SSMEM1: variants seen among roughly 807,000 people sequenced by gnomAD.
SSMEM1 encodes serine rich single-pass membrane protein 1.
Under a neutral mutation model 9.9 loss-of-function variants are expected in SSMEM1, and 12 were observed. The ratio of observed to expected loss-of-function variants is 1.21; its 90% CI spans 0.78 to 1.96. SSMEM1 has a LOEUF of 1.96. Ranked by LOEUF, SSMEM1 falls within the 30% of genes most tolerant of loss-of-function variation. The pLI is 0.00. For synonymous variants in SSMEM1, 96 were observed against 98.9 expected, an observed-to-expected ratio of 0.97 and a Z score of 0.17; for missense variants, 259 against 292.2, an observed-to-expected ratio of 0.89 and a Z score of 0.83.
chr7:130,213,145 C>T (rs1176577056), intron 1 of SSMEM1, among the ~76,000 whole-genome samples: 1 of 152,012 alleles, frequency 6.6e-6, no homozygotes, highest in Non-Finnish European at 1.5e-5. Flanking sequence ...GTCAGGAGTT[C>T]AAGACCAGCC....
chr7:130,209,959 G>C (rs767473612), intron 1 of SSMEM1, among the ~76,000 whole-genome samples: 13 of 152,194 alleles, frequency 8.5e-5, no homozygotes, highest in Non-Finnish European at 1.9e-4. Context: ...GACCTCAAGA[G>C]AGCATGTGGT....
At chr7:130,209,844 CTGGCATTA>C (rs1798560476) in intron 1 of SSMEM1, among the ~76,000 whole-genome samples, 1 of 152,252 alleles carries the variant, frequency 6.6e-6, no homozygotes, top group Non-Finnish European at 1.5e-5. Flanking sequence ...TCCCAAAGTG[CTGGCATTA>C]CAGGCGTGAG....
chr7:130,215,596 C>T (rs146230179), intron 2 of SSMEM1, among the ~76,000 whole-genome samples: 15 of 152,312 alleles, frequency 9.8e-5, no homozygotes, highest in African/African-American at 3.4e-4. Flanking sequence ...AGGAAAGATC[C>T]TTCTTAGTTC....
rs144099660 is a variant in SSMEM1 at position 130,216,196 on chromosome 7, A to G, written c.461A>G (p.Glu154Gly). 177 of 1,614,076 alleles carry G rather than the reference A, an allele frequency of 1.1e-4. 1 individual carries two copies. Among genetic ancestry groups the G allele is most frequent in the Non-Finnish European group, 1.5e-4 (176 of 1,180,040 alleles). Residue 154 changes from glutamate (E) to glycine (G), a missense_variant, in exon 3 of 3, where the codon GAG becomes GGG. By Grantham distance (98) the Glu-to-Gly change is moderately conservative. Coordinates refer to ENST00000297819, the MANE Select transcript of SSMEM1 (RefSeq NM_145268.4). ...GATACTACGGAGTATGGCAGTGAAG[A>G]GTCTAACTCAGAAGCCTCCTCGTGG... ...DSDTTEYGSE[E>G]SNSEASSWKE...
chr7:130,205,592 G>A, upstream of SSMEM1: 1 of 650,452 alleles, frequency 1.5e-6, no homozygotes, highest in South Asian at 1.8e-5. Context: ...GCGGGAGAAA[G>A]CTAAGCAGCA....
Position 130,212,964 on chromosome 7 carries a change from A to ACTAC in SSMEM1, c.184-516_184-515insCTAC, listed in dbSNP as rs561729400. On this transcript the variant is annotated intron_variant, in intron 1 of 2. Transcript: ENST00000297819. Reference sequence around the variant, plus strand: ...AAGCATAGTCTTAATGGGAAGTGGAAGTAGGATCACTATAACAGGAACTCA... The same window carrying ACTAC: ...AAGCATAGTCTTAATGGGAAGTGGAACTACGTAGGATCACTATAACAGGAACTCA... 3.2e-4 allele frequency among the ~76,000 whole-genome samples: 49 copies of ACTAC among 152,286 alleles called. No homozygotes were observed. In the East Asian group the frequency reaches 9.3e-3, roughly 29 times the overall value.
At chr7:130,208,297 G>A (rs1447160951) in intron 1 of SSMEM1, among the ~76,000 whole-genome samples, 1 of 152,188 alleles carries the variant, frequency 6.6e-6, no homozygotes, top group Non-Finnish European at 1.5e-5. Flanking sequence ...CTTTCCCAGA[G>A]ATAACCACTG....
intron 1 of SSMEM1, among the ~76,000 whole-genome samples, chr7:130,212,655 G>A (rs1246395730): frequency 6.6e-6 from 1 of 151,758 alleles, no homozygotes; most frequent in South Asian, 2.1e-4. Flanking sequence ...AACCTGGGAG[G>A]CGGAGATTTC....
At chr7:130,213,408 G>A (rs1245482372) in intron 1 of SSMEM1, 72 bp from the exon 2 acceptor site, 1 of 1,222,650 alleles carries the variant, frequency 8.2e-7, no homozygotes, top group Admixed American at 1.9e-5. Context: ...CTCAGCAATA[G>A]TGTTTTATAA....
chr7:130,216,398 A>G lies in SSMEM1; in HGVS notation c.663A>G (p.Thr221=), dbSNP rs544390231. ...AHHSRQKPSV[T]PPMKRDSQEE... ...ATTCCCGACAGAAGCCTTCAGTAACACCGCCAATGAAAAGAGACAGTCAAG... is the reference window on the plus strand; with the variant it reads ...ATTCCCGACAGAAGCCTTCAGTAACGCCGCCAATGAAAAGAGACAGTCAAG... Residue 221 remains threonine (T), a synonymous_variant, in exon 3 of 3, where the codon ACA becomes ACG. Transcript: ENST00000297819. 6.2e-7 allele frequency: 1 copy of G among 1,614,086 alleles called. No individual in the cohort carries two copies.
At chr7:130,205,706 C>A (rs1405739788), upstream of SSMEM1, among the ~76,000 whole-genome samples, 1 of 152,188 alleles carries the variant, frequency 6.6e-6, no homozygotes, top group Non-Finnish European at 1.5e-5. Flanking sequence ...CATTTATGGA[C>A]TCACATGTGT....
At position 130,216,131 on chromosome 7, in the gene SSMEM1, G is replaced by A; in HGVS notation, c.396G>A (p.Gln132=). 1 of 1,614,196 alleles carries A rather than the reference G, an allele frequency of 6.2e-7. No homozygotes were observed. The highest frequency in any genetic ancestry group is 8.5e-7 in the Non-Finnish European group (1 of 1,180,038). ...AYPEQRRARR[Q]SQFNEVNQNQ... ...CTGAACAAAGACGAGCCAGGCGCCA[G>A]TCTCAGTTCAATGAGGTGAACCAGA... The change falls in exon 3 of 3, where the codon CAG becomes CAA. Residue 132 remains glutamine (Q), a synonymous_variant. Coordinates refer to ENST00000297819, the MANE Select transcript of SSMEM1 (RefSeq NM_145268.4).
intron 2 of SSMEM1, among the ~76,000 whole-genome samples, chr7:130,214,883 AAGCCCTGATG>A (rs1371620512): frequency 1.3e-5 from 2 of 152,238 alleles, no homozygotes; most frequent in Non-Finnish European, 2.9e-5. Flanking sequence ...GCCATACATC[AAGCCCTGATG>A]TTTAGTGTCT....
chr7:130,216,442 A>C lies in SSMEM1; in HGVS notation c.707A>C (p.Asp236Ala). 1 of 1,609,502 alleles carries C rather than the reference A, an allele frequency of 6.2e-7. No homozygotes were observed. The highest frequency in any genetic ancestry group is 8.5e-7 in the Non-Finnish European group (1 of 1,176,558). Residue 236 changes from aspartate (D) to alanine (A), a missense_variant, in exon 3 of 3, where the codon GAC (aspartate) becomes GCC (alanine). Asp to Ala is a moderately radical substitution (Grantham distance 126, BLOSUM62 -2). Coordinates refer to ENST00000297819, the MANE Select transcript of SSMEM1 (RefSeq NM_145268.4). ...RDSQEESSIS[D>A]INKKFSKF is the part of the protein sequence containing the mutation. The stretch of plus-strand genomic sequence containing the variant: ...AGTCAAGAGGAAAGTTCCATATCTG[A>C]CATTAACAAGAAATTTAGTAAATTT...
chr7:130,211,160 CTTT>C (rs59732545), intron 1 of SSMEM1, among the ~76,000 whole-genome samples: 4 of 133,976 alleles, frequency 3.0e-5, no homozygotes, highest in Admixed American at 7.9e-5. Context: ...AAAGTGGTAT[CTTT>C]TTTTTTTTTT....
intron 1 of SSMEM1, among the ~76,000 whole-genome samples, chr7:130,208,753 G>A (rs1584710652): frequency 1.3e-5 from 2 of 152,180 alleles, no homozygotes; most frequent in African/African-American, 4.8e-5. Context: ...AGAATAAGCA[G>A]AACTAGACTA....
intron 2 of SSMEM1, among the ~76,000 whole-genome samples, 172 bp downstream of exon 2, chr7:130,213,706 A>AAG (rs1554382336): frequency 6.7e-6 from 1 of 149,434 alleles, no homozygotes; most frequent in Non-Finnish European, 1.5e-5. Context: ...AAAAAAAAAA[A>AAG]AAAAAAAAGA....
upstream of SSMEM1, chr7:130,206,945 C>A: frequency 5.2e-6 from 1 of 192,572 alleles, no homozygotes; most frequent in South Asian, 6.2e-5. Context: ...AAGATGGTGC[C>A]ACTGCATTCC....
Position 130,216,449 on chromosome 7 carries a change from C to G in SSMEM1, c.714C>G (p.Asn238Lys), listed in dbSNP as rs934223923. 2 of 1,608,904 alleles carry G rather than the reference C, an allele frequency of 1.2e-6. No homozygotes were observed. Among genetic ancestry groups the G allele is most frequent in the Non-Finnish European group, 1.7e-6 (2 of 1,176,344 alleles). ...SQEESSISDI[N>K]KKFSKF ...AGGAAAGTTCCATATCTGACATTAA[C>G]AAGAAATTTAGTAAATTTTGAATTT... The change falls in exon 3 of 3, where the codon AAC (asparagine) becomes AAG (lysine). Residue 238 changes from asparagine (N) to lysine (K), a missense_variant. By Grantham distance (94) the Asn-to-Lys change is moderately conservative. Transcript: ENST00000297819.
Sources: allele counts gnomAD v4.1 joint callset (sites outside exome capture counted in the v4.1 genomes callset), GRCh38; gene constraint gnomAD v4.1.1; transcripts MANE v1.5; gene names NCBI Gene and HGNC (gene_info 2026-07-23, HGNC 2026-07-21).